The following DRC1 variants were observed in gnomAD, a reference collection of about 807,000 sequenced individuals.
DRC1 encodes dynein regulatory complex subunit 1, also known as dynein regulatory complex protein 1.
A neutral mutation model predicts 98.7 loss-of-function variants in DRC1; 74 were observed. That is an observed-to-expected ratio of 0.75 (90% CI 0.62 to 0.91). DRC1 has a LOEUF of 0.91. DRC1 is among the 40% of genes least tolerant of loss of function. The pLI, the probability that DRC1 is intolerant of heterozygous loss-of-function variation, is 0.00. For missense variants in DRC1, 875 were observed against 886.0 expected, an observed-to-expected ratio of 0.99 and a Z score of 0.16; for synonymous variants, 336 against 334.1, an observed-to-expected ratio of 1.01 and a Z score of -0.06.
At position 26,455,164 on chromosome 2, in the gene DRC1, G is replaced by A. The variant is rs200604106; in HGVS notation, c.2097G>A (p.Leu699=). ...TGACCCAGAGGGCCAAGCTGCTGCTGGAAAACAGTTCTCTGGAGCAGCAGA... is the reference window on the plus strand; with the variant it reads ...TGACCCAGAGGGCCAAGCTGCTGCTAGAAAACAGTTCTCTGGAGCAGCAGA... ...LVLTQRAKLL[L]ENSSLEQQNT... Residue 699 remains leucine (L), a synonymous_variant, in exon 16 of 17, where the codon CTG becomes CTA. Coordinates refer to ENST00000288710, the MANE Select transcript of DRC1 (RefSeq NM_145038.5). 4.4e-5 allele frequency: 71 copies of A among 1,614,094 alleles called. No homozygotes were observed. The East Asian group carries it at 1.5e-3, about 34-fold the overall frequency.
chr2:26,444,419 G>C, intron 9 of DRC1, 63 bp downstream of exon 9: 1 of 1,570,260 alleles, frequency 6.4e-7, no homozygotes, highest in East Asian at 2.2e-5. Flanking sequence ...GATGGAGTTT[G>C]TACAAGCTGT....
chr2:26,417,037 A>G (rs1678829183), intron 2 of DRC1, among the ~76,000 whole-genome samples: 1 of 152,088 alleles, frequency 6.6e-6, no homozygotes, highest in East Asian at 1.9e-4. Context: ...TCTCACGAGA[A>G]CTCACTCACT....
At chr2:26,439,040 T>C (rs1201880345) in intron 7 of DRC1, among the ~76,000 whole-genome samples, 1 of 152,142 alleles carries the variant, frequency 6.6e-6, no homozygotes. Flanking sequence ...GACCCTCCAT[T>C]GACTTCAGGA....
At position 26,417,099 on chromosome 2, in the gene DRC1, C is replaced by T. The variant is rs188728909; in HGVS notation, c.243+2668C>T. Among the ~76,000 whole-genome samples, 438 of 152,214 alleles carry T rather than the reference C, an allele frequency of 2.9e-3. 4 individuals carry two copies. The highest frequency in any genetic ancestry group is 0.01 in the African/African-American group (418 of 41,520). On this transcript the variant is annotated intron_variant, in intron 2 of 16. Coordinates refer to ENST00000288710, the MANE Select transcript of DRC1 (RefSeq NM_145038.5). ...GTGCTAAACTATGAGGAATCCACCCCCATGATCCAATCATTTCCCACCAGG... is the reference window on the plus strand; with the variant it reads ...GTGCTAAACTATGAGGAATCCACCCTCATGATCCAATCATTTCCCACCAGG...
chr2:26,434,322 A>G (rs1280540328), intron 7 of DRC1, among the ~76,000 whole-genome samples: 16 of 152,180 alleles, frequency 1.1e-4, no homozygotes, highest in Admixed American at 1.0e-3. Flanking sequence ...CTTAGGGGGA[A>G]ACTCCCTACC....
intron 1 of DRC1, among the ~76,000 whole-genome samples, chr2:26,411,823 G>C (rs1678619652): frequency 6.6e-6 from 1 of 151,942 alleles, no homozygotes; most frequent in African/African-American, 2.4e-5. Flanking sequence ...TAGCATATCT[G>C]GACTGCATGG....
In DRC1 at chr2:26,444,815, G is replaced by C. The variant is rs778963656; in HGVS notation, c.1263G>C (p.Arg421Ser). 6.2e-7 allele frequency: 1 copy of C among 1,614,176 alleles called. No homozygotes were observed. The highest frequency in any genetic ancestry group is 8.5e-7 in the Non-Finnish European group (1 of 1,180,018). Reference sequence around the variant, plus strand: ...TAGCCAGAGCCTTTGATGTGGACAGGATCATCCACACCCATCATCTGGGGC... The same window carrying C: ...TAGCCAGAGCCTTTGATGTGGACAGCATCATCCACACCCATCATCTGGGGC... ...DLIARAFDVD[R>S]IIHTHHLGLP... is the part of the protein sequence containing the mutation. Residue 421 changes from arginine to serine, a missense_variant, in exon 10 of 17, where the codon AGG becomes AGC. By Grantham distance (110) the Arg-to-Ser change is moderately radical. Transcript: ENST00000288710.
intron 4 of DRC1, among the ~76,000 whole-genome samples, chr2:26,427,361 C>G (rs566517430): frequency 9.0e-4 from 137 of 152,218 alleles, no homozygotes; most frequent in African/African-American, 3.3e-3. Flanking sequence ...AATTACCCAC[C>G]CACCTCCACC....
chr2:26,405,283 T>G lies in DRC1; in HGVS notation c.155+3139T>G, dbSNP rs1186664115. 5.9e-5 allele frequency among the ~76,000 whole-genome samples: 9 copies of G among 152,288 alleles called. No individual in the cohort carries two copies. In the East Asian group the frequency reaches 1.7e-3, roughly 29 times the overall value. On this transcript the variant is annotated intron_variant, in intron 1 of 16. Coordinates refer to ENST00000288710, the MANE Select transcript of DRC1 (RefSeq NM_145038.5). ...ATATTTTGTAAGCCATCTTTAAAAC[T>G]CTCTGTGGATCAAGCCCTTGTCTGC...
intron 7 of DRC1, among the ~76,000 whole-genome samples, chr2:26,434,692 T>C (rs1041273882): frequency 6.6e-6 from 1 of 151,902 alleles, no homozygotes; most frequent in Non-Finnish European, 1.5e-5. Context: ...GAGATCGAGA[T>C]CATCCTGGCT....
In DRC1 at chr2:26,419,864, G is replaced by A. The variant is rs192920324; in HGVS notation, c.244-1424G>A. 1.9e-3 allele frequency among the ~76,000 whole-genome samples: 287 copies of A among 152,314 alleles called. 1 individual carries two copies. The highest frequency in any genetic ancestry group is 3.5e-3 in the Admixed American group (53 of 15,302). On this transcript the variant is annotated intron_variant, in intron 2 of 16. Coordinates refer to ENST00000288710, the MANE Select transcript of DRC1 (RefSeq NM_145038.5). ...GAATTTACGAAGAGGGATTTAGAAG[G>A]ATGGCACCAATTACAAAATCCCTGA...
intron 16 of DRC1, among the ~76,000 whole-genome samples, chr2:26,456,201 G>C (rs1022933057): frequency 2.6e-5 from 4 of 152,200 alleles, no homozygotes; most frequent in East Asian, 1.9e-4. Flanking sequence ...GGAGAGAGGA[G>C]AGGGGAAGAC....
intron 7 of DRC1, among the ~76,000 whole-genome samples, chr2:26,432,546 AAAG>A (rs1558445678): frequency 2.0e-5 from 3 of 151,062 alleles, no homozygotes; most frequent in Non-Finnish European, 1.5e-5. Context: ...GAAAGAAAGA[AAAG>A]AAAGAAAGGA....
intron 10 of DRC1, among the ~76,000 whole-genome samples, chr2:26,447,533 G>GT (rs1422716466): frequency 6.6e-6 from 1 of 152,042 alleles, no homozygotes; most frequent in East Asian, 1.9e-4. Flanking sequence ...TTAGGGAATG[G>GT]TTTTTTACAA....
chr2:26,403,611 A>G (rs1172253891), intron 1 of DRC1, among the ~76,000 whole-genome samples: 1 of 152,088 alleles, frequency 6.6e-6, no homozygotes. Flanking sequence ...CCTGGCCAAC[A>G]TGGCGAAACC....
chr2:26,404,307 G>A (rs889020247), intron 1 of DRC1, among the ~76,000 whole-genome samples: 15 of 152,166 alleles, frequency 9.9e-5, no homozygotes, highest in African/African-American at 3.4e-4. Context: ...GAGTGTGACC[G>A]ACTTGTGAGT....
Position 26,402,062 on chromosome 2 carries a change from C to T in DRC1, c.73C>T (p.Pro25Ser). ...DEHLSTQILA[P>S]SVHSDNSQER... ...GCACTTGTCCACCCAGATTCTCGCG[C>T]CCTCGGTCCACTCCGACAACTCTCA... Residue 25 changes from proline to serine, a missense_variant, in exon 1 of 17, where the codon CCC becomes TCC. Transcript: ENST00000288710. The T allele has an allele frequency of 6.2e-7, 1 of 1,613,374 alleles. No individual in the cohort carries two copies. The highest frequency in any genetic ancestry group is 1.1e-5 in the South Asian group (1 of 91,040).
Position 26,454,712 on chromosome 2 carries a change from G to T in DRC1, c.1985G>T (p.Trp662Leu), listed in dbSNP as rs1664096181. ...VRDNSKDSEY[W>L]QALTTVIPSS... ...GACAACTCCAAGGACTCGGAGTACT[G>T]GCAGGCCCTGACCACAGTGATCCCT... The change falls in exon 15 of 17, where the codon TGG becomes TTG. Residue 662 changes from tryptophan to leucine, a missense_variant. Trp to Leu is a moderately conservative substitution (Grantham distance 61). Coordinates refer to ENST00000288710, the MANE Select transcript of DRC1 (RefSeq NM_145038.5). The surrounding 1 kb of genome is among the most constrained non-coding windows in gnomAD (Gnocchi z 5.2). 1.2e-6 allele frequency: 2 copies of T among 1,614,092 alleles called. No individual in the cohort carries two copies. Among genetic ancestry groups the T allele is most frequent in the South Asian group, 2.2e-5 (2 of 91,076 alleles).
rs1553341892 is a variant in DRC1, at chr2:26,432,605, A to AAAAAG, written c.888+602_888+603insAGAAA. On this transcript the variant is annotated intron_variant, in intron 7 of 16. Coordinates refer to ENST00000288710, the MANE Select transcript of DRC1 (RefSeq NM_145038.5). ...GAAAAGAAAAGGAAAGAAAGAAAAA[A>AAAAAG]AAAGAAAGGAAGAGAAAGAGAAAGA... is the stretch of plus-strand genomic sequence containing the variant. Among the ~76,000 whole-genome samples, 21 of 151,326 alleles carry AAAAAG rather than the reference A, an allele frequency of 1.4e-4. No individual in the cohort carries two copies. In the East Asian group the frequency reaches 1.7e-3, roughly 13 times the overall value.
Sources: allele counts gnomAD v4.1 joint callset (sites outside exome capture counted in the v4.1 genomes callset), GRCh38; gene constraint gnomAD v4.1.1; non-coding constraint Gnocchi (gnomAD v3.1); transcripts MANE v1.5; gene names NCBI Gene and HGNC (gene_info 2026-07-23, HGNC 2026-07-21).